The following ARL15 variants were observed in gnomAD, a reference collection of about 807,000 sequenced individuals.
The protein encoded by ARL15 is ARF like GTPase 15.
A neutral mutation model predicts 25.2 loss-of-function variants in ARL15; 19 were observed. The ratio of observed to expected loss-of-function variants is 0.75; its 90% CI spans 0.53 to 1.10. ARL15 has a LOEUF of 1.10. ARL15 is among the 50% of genes least tolerant of loss of function. The pLI is 0.00. For synonymous variants in ARL15, 94 were observed against 86.8 expected (o/e 1.08, Z -0.46); for missense variants, 220 against 246.0 (o/e 0.89, Z 0.71).
At chr5:54,107,273 T>C (rs563025690) in intron 4 of ARL15, among the ~76,000 whole-genome samples, 37 of 152,228 alleles carry the variant, frequency 2.4e-4, no homozygotes, top group African/African-American at 8.7e-4. Context: ...TTCTGGGAGA[T>C]ACAATTCAAG....
At chr5:54,227,680 T>G (rs1343809130) in intron 1 of ARL15, among the ~76,000 whole-genome samples, 1 of 152,220 alleles carries the variant, frequency 6.6e-6, no homozygotes, top group Non-Finnish European at 1.5e-5. Context: ...TAAAGCAAGA[T>G]AAGCAGCATC....
chr5:54,001,717 G>A (rs1423340957), intron 4 of ARL15, among the ~76,000 whole-genome samples: 1 of 152,146 alleles, frequency 6.6e-6, no homozygotes, highest in Non-Finnish European at 1.5e-5. Context: ...TTTCCTAAGG[G>A]TTGAATGCTG....
intron 1 of ARL15, among the ~76,000 whole-genome samples, chr5:54,280,851 A>G (rs1454271504): frequency 6.6e-6 from 1 of 152,136 alleles, no homozygotes; most frequent in Non-Finnish European, 1.5e-5. Flanking sequence ...GGAAAATGTC[A>G]AGACATTTTA....
chr5:54,230,281 G>A (rs1481033952), intron 1 of ARL15, among the ~76,000 whole-genome samples: 2 of 149,222 alleles, frequency 1.3e-5, no homozygotes, highest in African/African-American at 4.9e-5. Flanking sequence ...GGCAGGCGGA[G>A]GTTGCAGTGA....
At chr5:54,175,125 T>C (rs113788352) in intron 1 of ARL15, among the ~76,000 whole-genome samples, 1 of 152,358 alleles carries the variant, frequency 6.6e-6, no homozygotes, top group South Asian at 2.1e-4. Flanking sequence ...AAATTATTCA[T>C]GTCGTTATCA....
chr5:53,914,258 C>T (rs1745559519), intron 4 of ARL15, among the ~76,000 whole-genome samples: 1 of 151,980 alleles, frequency 6.6e-6, no homozygotes, highest in African/African-American at 2.4e-5. Flanking sequence ...GCAGTCTATC[C>T]TCCAAAGATT....
intron 1 of ARL15, among the ~76,000 whole-genome samples, chr5:54,279,799 T>C (rs1253481066): frequency 6.6e-6 from 1 of 152,208 alleles, no homozygotes; most frequent in South Asian, 2.1e-4. Context: ...CAATTTCTGA[T>C]ATCAGCAGTT....
chr5:54,162,734 T>C (rs1754444020), intron 2 of ARL15, among the ~76,000 whole-genome samples: 1 of 152,200 alleles, frequency 6.6e-6, no homozygotes, highest in Admixed American at 6.5e-5. Flanking sequence ...AAGTTTCTGA[T>C]AGTTTTTCAG....
chr5:54,006,051 CAA>C (rs56094450), intron 4 of ARL15, among the ~76,000 whole-genome samples: 151 of 57,570 alleles, frequency 2.6e-3, no homozygotes, highest in Middle Eastern at 9.8e-3. Context: ...ATTACATCTC[CAA>C]AAAAAAAAAA....
In ARL15 at chr5:54,015,701, A is replaced by G. The variant is rs375281892; in HGVS notation, c.462+97501T>C. Among the ~76,000 whole-genome samples, 73 of 152,246 alleles carry G rather than the reference A, an allele frequency of 4.8e-4. 1 individual carries two copies. The South Asian group carries it at 0.014, about 29-fold the overall frequency. ...TATTAAAGAATTATGTATATTAGAAAACATAGCTTGAGGTGTGTATGGGTG... is the reference window on the plus strand; with the variant it reads ...TATTAAAGAATTATGTATATTAGAAGACATAGCTTGAGGTGTGTATGGGTG... On this transcript the variant is annotated intron_variant, in intron 4 of 4. Transcript: ENST00000504924.
At chr5:54,189,380 T>A (rs1240791084) in intron 1 of ARL15, among the ~76,000 whole-genome samples, 8 of 152,136 alleles carry the variant, frequency 5.3e-5, no homozygotes, top group African/African-American at 1.4e-4. Context: ...GCTCCAGACT[T>A]ACACATACAG....
chr5:54,282,483 AG>A, intron 1 of ARL15: 1 of 985,406 alleles, frequency 1.0e-6, no homozygotes, highest in Non-Finnish European at 1.2e-6. Context: ...TCTGTTTTCT[AG>A]GCTAGCTCAA....
In ARL15 at chr5:53,996,044, G is replaced by T. The variant is rs887146227; in HGVS notation, c.463-109331C>A. Among the ~76,000 whole-genome samples, 38 of 152,126 alleles carry T rather than the reference G, an allele frequency of 2.5e-4. 1 individual carries two copies. Among genetic ancestry groups the T allele is most frequent in the African/African-American group, 8.7e-4 (36 of 41,418 alleles). ...TTTGTAAAAGGTTTGTCTCCTGGGG[G>T]TTCATACATTATCAATAATTCTCAT... On this transcript the variant is annotated intron_variant, in intron 4 of 4. Transcript: ENST00000504924.
chr5:54,186,759 T>G (rs957288747), intron 1 of ARL15, among the ~76,000 whole-genome samples: 2 of 152,158 alleles, frequency 1.3e-5, no homozygotes, highest in African/African-American at 2.4e-5. Context: ...ATAGCCCAAA[T>G]TACATAGATT....
At chr5:54,268,611 G>A (rs535844081) in intron 1 of ARL15, among the ~76,000 whole-genome samples, 1 of 152,156 alleles carries the variant, frequency 6.6e-6, no homozygotes, top group South Asian at 2.1e-4. Context: ...TCTACTTTTG[G>A]TCTTTGATGA....
intron 1 of ARL15, among the ~76,000 whole-genome samples, chr5:54,271,876 T>C (rs147384474): frequency 2.0e-5 from 3 of 152,092 alleles, no homozygotes; most frequent in Non-Finnish European, 4.4e-5. Flanking sequence ...CCTCTGCCTA[T>C]GTAATATTAA....
intron 1 of ARL15, among the ~76,000 whole-genome samples, chr5:54,279,897 C>G (rs1170335496): frequency 1.3e-5 from 2 of 152,246 alleles, no homozygotes; most frequent in African/African-American, 4.8e-5. Context: ...AGCTCCCTTT[C>G]TGGAGAAGCA....
At chr5:54,278,246 C>T (rs1442350034) in intron 1 of ARL15, among the ~76,000 whole-genome samples, 1 of 152,212 alleles carries the variant, frequency 6.6e-6, no homozygotes, top group East Asian at 1.9e-4. Context: ...AAGCAATGCC[C>T]TTGTGTGCCT....
chr5:53,968,243 A>T lies in ARL15; in HGVS notation c.463-81530T>A, dbSNP rs10075461. On this transcript the variant is annotated intron_variant, in intron 4 of 4. Transcript: ENST00000504924. ...AAATAAATTATACAGCTTTCAGATG[A>T]TCGATCACTTTCAACAAGATAGCAA... is the stretch of plus-strand genomic sequence containing the variant. Among the ~76,000 whole-genome samples the T allele has an allele frequency of 9.1e-3, 1,379 of 152,336 alleles. 18 individuals are homozygous for T. Among genetic ancestry groups the T allele is most frequent in the African/African-American group, 0.032 (1,324 of 41,574 alleles).
Sources: allele counts gnomAD v4.1 joint callset (sites outside exome capture counted in the v4.1 genomes callset), GRCh38; gene constraint gnomAD v4.1.1; transcripts MANE v1.5; gene names NCBI Gene and HGNC (gene_info 2026-07-23, HGNC 2026-07-21).